CFAP43: variants seen among roughly 807,000 people sequenced by gnomAD.
The protein encoded by CFAP43 is cilia- and flagella-associated protein 43.
In CFAP43, 155 loss-of-function variants were observed where a neutral mutation model predicts 218.9. That is an observed-to-expected ratio of 0.71 (90% CI 0.62 to 0.81). The LOEUF (loss-of-function observed/expected upper bound fraction) is 0.81. Ranked by LOEUF, CFAP43 falls within the 30% of genes least tolerant of loss-of-function variation. The pLI is 0.00. For missense variants in CFAP43, 1,778 were observed against 1,954.3 expected (o/e 0.91, Z 1.70); for synonymous variants, 645 against 681.3 (o/e 0.95, Z 0.83).
chr10:104,230,913 G>T, intron 1 of CFAP43, 70 bp from the exon 2 acceptor site: 1 of 1,461,482 alleles, frequency 6.8e-7, no homozygotes, highest in Non-Finnish European at 9.1e-7. Flanking sequence ...ACAAAGCAAA[G>T]GGTCATCAAA....
intron 20 of CFAP43, among the ~76,000 whole-genome samples, chr10:104,169,483 T>G (rs1366326297): frequency 1.3e-5 from 2 of 152,202 alleles, no homozygotes; most frequent in Non-Finnish European, 2.9e-5. Context: ...TAGTTTTACT[T>G]GCTTACATAA....
intron 7 of CFAP43, among the ~76,000 whole-genome samples, chr10:104,205,018 T>C (rs1262885831): frequency 1.3e-5 from 2 of 151,932 alleles, no homozygotes; most frequent in Non-Finnish European, 1.5e-5. Flanking sequence ...ATCAAGACCA[T>C]CCTGCATAAC....
intron 7 of CFAP43, among the ~76,000 whole-genome samples, chr10:104,205,698 T>G (rs1421158289): frequency 6.6e-6 from 1 of 152,216 alleles, no homozygotes; most frequent in African/African-American, 2.4e-5. Flanking sequence ...TATTTTTTCA[T>G]TGCGGAAGGG....
intron 7 of CFAP43, among the ~76,000 whole-genome samples, chr10:104,204,613 G>T (rs1199632617): frequency 6.6e-6 from 1 of 152,126 alleles, no homozygotes; most frequent in Non-Finnish European, 1.5e-5. Context: ...AAACATCAAG[G>T]GTGGTCTTGA....
chr10:104,162,121 C>T, intron 25 of CFAP43, 80 bp from the exon 26 acceptor site: 1 of 1,433,552 alleles, frequency 7.0e-7, no homozygotes, highest in Non-Finnish European at 9.7e-7. Context: ...AGCTTCCCAC[C>T]CAACATTAGA....
intron 16 of CFAP43, among the ~76,000 whole-genome samples, chr10:104,183,317 T>C (rs964419053): frequency 3.9e-5 from 6 of 151,954 alleles, no homozygotes; most frequent in African/African-American, 1.2e-4. Flanking sequence ...TTAAGTAACA[T>C]TGTAACAGAT....
intron 27 of CFAP43, among the ~76,000 whole-genome samples, chr10:104,158,073 A>G (rs1310716152): frequency 6.6e-6 from 1 of 152,198 alleles, no homozygotes; most frequent in African/African-American, 2.4e-5. Flanking sequence ...ATTAAAACAC[A>G]TTAAGTTAGA....
chr10:104,198,442 C>T (rs565861743), intron 8 of CFAP43, among the ~76,000 whole-genome samples: 4 of 151,520 alleles, frequency 2.6e-5, no homozygotes, highest in South Asian at 2.1e-4. Flanking sequence ...CCACCACGCC[C>T]GGCTAATTTT....
chr10:104,143,095 T>A (rs1414932865), intron 32 of CFAP43, among the ~76,000 whole-genome samples: 1 of 152,224 alleles, frequency 6.6e-6, no homozygotes, highest in Non-Finnish European at 1.5e-5. Context: ...GAGACATATT[T>A]CTTTTTGTTC....
At chr10:104,182,720 A>G (rs1036457628) in intron 16 of CFAP43, among the ~76,000 whole-genome samples, 9 of 150,802 alleles carry the variant, frequency 6.0e-5, no homozygotes, top group African/African-American at 1.7e-4. Context: ...TTTAATTTTT[A>G]TTTTTTAAAG....
At chr10:104,158,592 A>G (rs938711897) in intron 27 of CFAP43, among the ~76,000 whole-genome samples, 3 of 152,238 alleles carry the variant, frequency 2.0e-5, no homozygotes, top group African/African-American at 7.2e-5. Context: ...AGGAGACTAA[A>G]AGAACATTAC....
intron 34 of CFAP43, among the ~76,000 whole-genome samples, chr10:104,135,799 T>A (rs1423180391): frequency 2.6e-5 from 4 of 151,988 alleles, no homozygotes; most frequent in Admixed American, 6.5e-5. Flanking sequence ...ATCTATAGAT[T>A]TAATGCAATC....
chr10:104,186,676 CT>C (rs1401957861), intron 14 of CFAP43, among the ~76,000 whole-genome samples: 4 of 152,272 alleles, frequency 2.6e-5, no homozygotes, highest in Non-Finnish European at 5.9e-5. Flanking sequence ...TGAAACTTTT[CT>C]TGAATCTCTC....
intron 20 of CFAP43, among the ~76,000 whole-genome samples, chr10:104,171,632 C>G (rs1183042949): frequency 6.6e-6 from 1 of 152,180 alleles, no homozygotes; most frequent in Non-Finnish European, 1.5e-5. Flanking sequence ...TTAACCTGTA[C>G]TAGCAGGTTG....
chr10:104,185,369 G>A (rs139640933), intron 15 of CFAP43, among the ~76,000 whole-genome samples: 9 of 152,214 alleles, frequency 5.9e-5, no homozygotes, highest in African/African-American at 1.9e-4. Flanking sequence ...CCTTTGTGTA[G>A]TATGGAAGGA....
chr10:104,162,434 A>G, intron 24 of CFAP43, 31 bp from the exon 25 acceptor site: 3 of 1,579,368 alleles, frequency 1.9e-6, no homozygotes, highest in Non-Finnish European at 1.7e-6. Context: ...TCCTGCTATT[A>G]TTCTTACAAA....
At position 104,172,429 on chromosome 10, in the gene CFAP43, C is replaced by A. The variant is rs1336556107; in HGVS notation, c.2567G>T (p.Ser856Ile). Residue 856 changes from serine to isoleucine, a missense_variant, in exon 20 of 38, where the codon AGT (serine) becomes ATT (isoleucine). Physicochemically the swap from Ser to Ile is moderately radical, Grantham distance 142. Transcript: ENST00000357060. ...TCATACCTTTGCCACTTCTTCCTGA[C>A]TTTCATCATGAAGCCTTTCTAGTTC... ...LEELERLHDESQEEVAKMIKD... is the reference protein window; with the variant it reads ...LEELERLHDEIQEEVAKMIKD... The A allele has an allele frequency of 1.2e-6, 2 of 1,608,338 alleles. No homozygotes were observed. Among genetic ancestry groups the A allele is most frequent in the Non-Finnish European group, 1.7e-6 (2 of 1,178,658 alleles).
At chr10:104,179,694 G>C in intron 18 of CFAP43, 146 bp downstream of exon 18, 3 of 632,492 alleles carry the variant, frequency 4.7e-6, no homozygotes, top group Non-Finnish European at 8.5e-6. Context: ...TTTGCTTTCC[G>C]AAAAGTTACA....
intron 21 of CFAP43, among the ~76,000 whole-genome samples, chr10:104,168,524 G>A (rs2089276415): frequency 6.6e-6 from 1 of 152,214 alleles, no homozygotes; most frequent in Non-Finnish European, 1.5e-5. Context: ...TGCTAAGACA[G>A]ATCTTCAGAA....
Sources: gnomAD v4.1 joint callset for allele counts (sites outside exome capture counted in the v4.1 genomes callset) on GRCh38, gnomAD v4.1.1 for gene constraint, MANE v1.5 for transcripts, NCBI Gene and HGNC (gene_info 2026-07-23, HGNC 2026-07-21) for gene names.